The following SLC39A8 variants were observed in gnomAD, a reference collection of about 807,000 sequenced individuals.
The protein encoded by SLC39A8 is metal cation symporter ZIP8.
SLC39A8 carries 15 observed loss-of-function variants against 40.4 expected under a neutral mutation model. The observed-to-expected ratio is 0.37, with a 90% CI of 0.25 to 0.57. SLC39A8 has a LOEUF of 0.57. Among genes scored for constraint, SLC39A8 ranks in the 20% least tolerant of loss-of-function variants. The pLI is 0.75. For missense variants in SLC39A8, 472 were observed against 558.8 expected, an observed-to-expected ratio of 0.84 and a Z score of 1.57; for synonymous variants, 223 against 221.6, an observed-to-expected ratio of 1.01 and a Z score of -0.06.
chr4:102,320,366 G>GTA (rs1460218971), intron 2 of SLC39A8, among the ~76,000 whole-genome samples: 2 of 117,510 alleles, frequency 1.7e-5, no homozygotes, highest in Non-Finnish European at 3.4e-5. Flanking sequence ...ATATATATGA[G>GTA]TATATATATA....
intron 6 of SLC39A8, among the ~76,000 whole-genome samples, chr4:102,279,868 G>A (rs1732793198): frequency 6.6e-6 from 1 of 152,178 alleles, no homozygotes; most frequent in Non-Finnish European, 1.5e-5. Context: ...CAACCACATG[G>A]AGGACAAGAT....
exon 12 of SLC39A8, chr4:102,253,407 C>T (rs767038837): frequency 1.4e-6 from 1 of 715,718 alleles, no homozygotes; most frequent in South Asian, 1.5e-5. Context: ...TGAAATACTC[C>T]AGATAATGAA....
In SLC39A8 at chr4:102,301,014, C is replaced by A. The variant is rs557942317; in HGVS notation, c.840+3303G>T. Reference sequence around the variant, plus strand: ...TCAACCAAAATAGCGAGAAAATAGTCCCCATAAGAAATTAACGTCAAAACT... The same window carrying A: ...TCAACCAAAATAGCGAGAAAATAGTACCCATAAGAAATTAACGTCAAAACT... On this transcript the variant is annotated intron_variant, in intron 6 of 8. Transcript: ENST00000356736. Among the ~76,000 whole-genome samples, 10 of 152,030 alleles carry A rather than the reference C, an allele frequency of 6.6e-5. No individual in the cohort carries two copies. The South Asian group carries it at 1.9e-3, about 28-fold the overall frequency.
chr4:102,281,523 C>T (rs919299594), intron 6 of SLC39A8, among the ~76,000 whole-genome samples: 3 of 152,026 alleles, frequency 2.0e-5, no homozygotes, highest in Non-Finnish European at 2.9e-5. Flanking sequence ...TAGAAACACA[C>T]GGTCAAGGAG....
exon 12 of SLC39A8, chr4:102,253,159 C>CA (rs1553910403): frequency 2.6e-5 from 9 of 345,506 alleles, no homozygotes; most frequent in African/African-American, 8.6e-5. Flanking sequence ...TGTCGTTTTT[C>CA]GGGGCGAGCG....
At chr4:102,316,149 T>C (rs1734647765) in intron 2 of SLC39A8, among the ~76,000 whole-genome samples, 1 of 151,920 alleles carries the variant, frequency 6.6e-6, no homozygotes, top group Non-Finnish European at 1.5e-5. Flanking sequence ...AAACAAAGGG[T>C]TTTAAAACAA....
intron 2 of SLC39A8, among the ~76,000 whole-genome samples, chr4:102,323,624 A>G (rs1010306998): frequency 6.6e-6 from 1 of 152,270 alleles, no homozygotes; most frequent in African/African-American, 2.4e-5. Context: ...ACCATAATAT[A>G]TGCTTAACAC....
At chr4:102,317,327 C>A (rs1189153690) in intron 2 of SLC39A8, among the ~76,000 whole-genome samples, 1 of 152,078 alleles carries the variant, frequency 6.6e-6, no homozygotes, top group Non-Finnish European at 1.5e-5. Flanking sequence ...AACTACCTTA[C>A]AGAAAATGCA....
intron 6 of SLC39A8, among the ~76,000 whole-genome samples, chr4:102,299,749 T>C (rs2149029938): frequency 6.6e-6 from 1 of 152,194 alleles, no homozygotes; most frequent in African/African-American, 2.4e-5. Flanking sequence ...TATCTATTCT[T>C]AAATGAAAGC....
At chr4:102,342,463 A>G (rs996519912) in intron 2 of SLC39A8, among the ~76,000 whole-genome samples, 3 of 152,228 alleles carry the variant, frequency 2.0e-5, no homozygotes, top group Admixed American at 6.5e-5. Context: ...GTGCCATTGC[A>G]CTCCAGCCTG....
At position 102,254,541 on chromosome 4, in the gene SLC39A8, A is replaced by G. The variant is rs142437783; in HGVS notation, c.*299-1111T>C. ...TAATTATTTCAACACTAACCTAGAT[A>G]TTATGCTTACATATCAGTGAGGCAT... On this transcript the variant is annotated intron_variant and NMD_transcript_variant, in intron 11 of 11. Coordinates refer to the SLC39A8 transcript ENST00000424970. Among the ~76,000 whole-genome samples the G allele has an allele frequency of 3.2e-3, 488 of 152,380 alleles. 6 individuals are homozygous for G. Among genetic ancestry groups the G allele is most frequent in the African/African-American group, 0.011 (444 of 41,600 alleles).
Position 102,310,743 on chromosome 4 carries a change from G to A in SLC39A8, c.383-3138C>T, listed in dbSNP as rs538695680. Among the ~76,000 whole-genome samples the A allele has an allele frequency of 2.6e-5, 4 of 152,210 alleles. No individual in the cohort carries two copies. In the South Asian group the frequency reaches 8.3e-4, roughly 32 times the overall value. On this transcript the variant is annotated intron_variant, in intron 3 of 8. Coordinates refer to ENST00000356736, the MANE Select transcript of SLC39A8 (RefSeq NM_001135146.2). ...ACTGAAGCACCAAAAGTATACATTA[G>A]TATGAATCTATTCCTTGGACATCTC...
chr4:102,268,767 C>T (rs1028642245), intron 6 of SLC39A8, among the ~76,000 whole-genome samples: 2 of 152,194 alleles, frequency 1.3e-5, no homozygotes, highest in African/African-American at 4.8e-5. Flanking sequence ...AGCCTTTACA[C>T]TAACACTTCC....
At chr4:102,259,396 T>TA (rs1731785612), downstream of SLC39A8, 31 of 1,178,166 alleles carry the variant, frequency 2.6e-5, no homozygotes, top group South Asian at 2.5e-4. Flanking sequence ...AATTAAGCCA[T>TA]TGTATAAACT....
At chr4:102,275,872 C>T (rs1732595256) in intron 6 of SLC39A8, among the ~76,000 whole-genome samples, 1 of 152,200 alleles carries the variant, frequency 6.6e-6, no homozygotes, top group African/African-American at 2.4e-5. Context: ...GAACAAACTG[C>T]TCCTGAATGA....
At chr4:102,253,280 T>C in exon 12 of SLC39A8, 2 of 474,162 alleles carry the variant, frequency 4.2e-6, no homozygotes, top group Middle Eastern at 5.8e-4. Flanking sequence ...TCTTCCTTAC[T>C]CCTTTTGAGA....
At chr4:102,316,993 C>G (rs911745156) in intron 2 of SLC39A8, among the ~76,000 whole-genome samples, 4 of 152,182 alleles carry the variant, frequency 2.6e-5, no homozygotes, top group African/African-American at 9.6e-5. Flanking sequence ...CCCTCACAGA[C>G]AGCAACCATT....
intron 11 of SLC39A8, among the ~76,000 whole-genome samples, chr4:102,254,320 C>T (rs1731661985): frequency 6.6e-6 from 1 of 152,160 alleles, no homozygotes; most frequent in Non-Finnish European, 1.5e-5. Flanking sequence ...TTTATATCTC[C>T]AGGCCTAGCA....
chr4:102,277,669 T>A (rs1168726002), intron 6 of SLC39A8, among the ~76,000 whole-genome samples: 2 of 152,094 alleles, frequency 1.3e-5, no homozygotes, highest in East Asian at 3.8e-4. Context: ...AAAGAGCCTG[T>A]ATAGCCAAGA....
Sources: gnomAD v4.1 joint callset for allele counts (sites outside exome capture counted in the v4.1 genomes callset) on GRCh38, gnomAD v4.1.1 for gene constraint, MANE v1.5 for transcripts, NCBI Gene and HGNC (gene_info 2026-07-23, HGNC 2026-07-21) for gene names.